Variants in COL4A1 observed in about 807,000 individuals in gnomAD.
COL4A1 encodes collagen type IV alpha 1 chain, also known as collagen alpha-1(IV) chain.
Under a neutral mutation model 216.6 loss-of-function variants are expected in COL4A1, and 40 were observed. The ratio of observed to expected loss-of-function variants is 0.18; its 90% CI spans 0.14 to 0.24. The LOEUF is 0.24. Among genes scored for constraint, COL4A1 ranks in the 10% least tolerant of loss-of-function variants. The pLI is 1.00. For missense variants in COL4A1, 1,628 were observed against 2,196.8 expected, an observed-to-expected ratio of 0.74 and a Z score of 5.18; for synonymous variants, 839 against 810.7, an observed-to-expected ratio of 1.03 and a Z score of -0.59.
chr13:110,227,427 A>ACAC (rs1555308840), intron 2 of COL4A1, among the ~76,000 whole-genome samples: 3,874 of 130,116 alleles, frequency 0.03, 64 homozygotes, highest in Middle Eastern at 0.041. Context: ...CACACACACA[A>ACAC]ACACACACAA....
Position 110,149,014 on chromosome 13 carries a change from T to C in COL4A1, c.*1349A>G, listed in dbSNP as rs1039946132. On this transcript the variant is annotated 3_prime_UTR_variant, in exon 52 of 52. Transcript: ENST00000375820. ...TTAGCAGCTTGTGCAGTAAGTTTCT[T>C]TTAATGCGTCTGTGGCAATACTAGC... 2 of 152,914 alleles carry C rather than the reference T, an allele frequency of 1.3e-5. No individual in the cohort carries two copies. Among genetic ancestry groups the C allele is most frequent in the African/African-American group, 4.8e-5 (2 of 41,468 alleles). 9.5% of individuals were successfully genotyped at this position (152,914 alleles called of 1,614,324 possible).
At chr13:110,238,405 T>C (rs1190120415) in intron 2 of COL4A1, among the ~76,000 whole-genome samples, 1 of 152,252 alleles carries the variant, frequency 6.6e-6, no homozygotes, top group African/African-American at 2.4e-5. Flanking sequence ...CTCTGATTAA[T>C]GCAGTTCAAT....
chr13:110,172,653 C>T, intron 41 of COL4A1, 67 bp downstream of exon 41: 3 of 1,460,676 alleles, frequency 2.1e-6, no homozygotes, highest in Non-Finnish European at 2.9e-6. Flanking sequence ...GAAGACACTG[C>T]CCCTTGTTCT....
intron 49 of COL4A1, among the ~76,000 whole-genome samples, chr13:110,157,292 A>G (rs1264956053): frequency 2.0e-5 from 3 of 152,248 alleles, no homozygotes; most frequent in Non-Finnish European, 4.4e-5. Flanking sequence ...TTGTCTGCAG[A>G]AAGCTAGAAA....
chr13:110,201,024 G>T, intron 19 of COL4A1, 135 bp from the exon 20 acceptor site: 3 of 938,342 alleles, frequency 3.2e-6, no homozygotes, highest in East Asian at 2.5e-5. Flanking sequence ...AAAACAGAGC[G>T]GGAGACCACC....
intron 1 of COL4A1, among the ~76,000 whole-genome samples, chr13:110,270,797 GAAGCA>G (rs1241994789): frequency 6.6e-6 from 1 of 152,200 alleles, no homozygotes; most frequent in African/African-American, 2.4e-5. Flanking sequence ...GTTAGGTCTA[GAAGCA>G]AAGACACCAC....
At chr13:110,174,408 C>T in intron 39 of COL4A1, 38 bp downstream of exon 39, 4 of 1,610,280 alleles carry the variant, frequency 2.5e-6, no homozygotes, top group Non-Finnish European at 3.4e-6. Flanking sequence ...CCACTGTTCT[C>T]TATGTGCCCG....
chr13:110,268,771 C>A lies in COL4A1; in HGVS notation c.85-26037G>T, dbSNP rs1012616626. On this transcript the variant is annotated intron_variant, in intron 1 of 51. Transcript: ENST00000375820. The surrounding 1 kb of genome is among the most constrained non-coding windows in gnomAD (Gnocchi z 4.1). The stretch of plus-strand genomic sequence containing the variant: ...AAATCAGCTGACTTCCAGGACCACA[C>A]GCCTGGCACGTGGGAGGCTCAACAA... 6.6e-6 allele frequency among the ~76,000 whole-genome samples: 1 copy of A among 152,198 alleles called. No individual in the cohort carries two copies. The highest frequency in any genetic ancestry group is 2.4e-5 in the African/African-American group (1 of 41,436).
intron 25 of COL4A1, 140 bp from the exon 26 acceptor site, chr13:110,186,693 A>G: frequency 1.9e-6 from 2 of 1,046,420 alleles, no homozygotes; most frequent in Non-Finnish European, 2.8e-6. Context: ...CTACCCTCCC[A>G]GGAGGGCCAC....
At chr13:110,152,972 AT>A (rs986694350) in intron 50 of COL4A1, among the ~76,000 whole-genome samples, 42 of 152,252 alleles carry the variant, frequency 2.8e-4, no homozygotes, top group African/African-American at 8.7e-4. Flanking sequence ...TAATCATTCA[AT>A]TTTTTTTCTT....
In COL4A1 at chr13:110,198,597, G is replaced by A. The variant is rs1252939465; in HGVS notation, c.1155C>T (p.Gly385=). The A allele has an allele frequency of 6.2e-7, 1 of 1,613,924 alleles. No homozygotes were observed. The change falls in exon 21 of 52, where the codon GGC becomes GGT. Residue 385 remains glycine, a synonymous_variant. Transcript: ENST00000375820. ...LPVPGQAGAP[G]FPGERGEKGD... ...CTTTTTCTCCTCTTTCACCAGGGAA[G>A]CCAGGGGCACCAGCCTGCCCAGGTA... is the stretch of plus-strand genomic sequence containing the variant.
chr13:110,260,255 G>A (rs1217825766), intron 1 of COL4A1, among the ~76,000 whole-genome samples: 1 of 152,216 alleles, frequency 6.6e-6, no homozygotes, highest in Admixed American at 6.5e-5. Flanking sequence ...AGGCTAGAGA[G>A]CTTGAGCAGG....
intron 1 of COL4A1, among the ~76,000 whole-genome samples, chr13:110,260,520 TA>T (rs1457310201): frequency 6.6e-6 from 1 of 152,214 alleles, no homozygotes; most frequent in Non-Finnish European, 1.5e-5. Context: ...CACAGCCAAC[TA>T]AAACCAAGTG....
intron 1 of COL4A1, among the ~76,000 whole-genome samples, chr13:110,251,710 G>A (rs1284507038): frequency 3.9e-5 from 6 of 152,134 alleles, no homozygotes; most frequent in Non-Finnish European, 8.8e-5. Flanking sequence ...AGGGAAAGAC[G>A]GCGAGAACAG....
chr13:110,212,521 G>A (rs1040601169), intron 5 of COL4A1, 42 bp from the exon 6 acceptor site: 61 of 1,614,016 alleles, frequency 3.8e-5, no homozygotes, highest in Non-Finnish European at 4.8e-5. Context: ...GCAGAAAATC[G>A]CCTGATGGAA....
rs535938031 is a variant in COL4A1, at chr13:110,179,005, G to A, written c.2376C>T (p.Ser792=). 14 of 1,611,610 alleles carry A rather than the reference G, an allele frequency of 8.7e-6. No individual in the cohort carries two copies. The highest frequency in any genetic ancestry group is 4.4e-5 in the South Asian group (4 of 90,478). Residue 792 remains serine (S), a synonymous_variant, in exon 31 of 52, where the codon TCC becomes TCT. Coordinates refer to ENST00000375820, the MANE Select transcript of COL4A1 (RefSeq NM_001845.6). Reference sequence around the variant, plus strand: ...TTCCTGGAACTCCTGGAGACCCCACGGAGCCTGGCAATCCAGGAGGTCCCG... The same window carrying A: ...TTCCTGGAACTCCTGGAGACCCCACAGAGCCTGGCAATCCAGGAGGTCCCG... ...GEPGPPGLPG[S]VGSPGVPGIG... is the part of the protein sequence containing the mutation.
intron 31 of COL4A1, 56 bp from the exon 32 acceptor site, chr13:110,178,287 A>C (rs757057101): frequency 1.8e-4 from 281 of 1,605,158 alleles, no homozygotes; most frequent in Non-Finnish European, 2.2e-4. Flanking sequence ...ATGATCTACA[A>C]TGTACAGTGC....
chr13:110,165,069 G>C, intron 45 of COL4A1, 79 bp from the exon 46 acceptor site: 2 of 1,556,698 alleles, frequency 1.3e-6, no homozygotes, highest in South Asian at 1.2e-5. Flanking sequence ...GAGAATCCCG[G>C]GTGAAGCTAT....
intron 18 of COL4A1, 51 bp downstream of exon 18, chr13:110,203,512 CTCT>C: frequency 6.4e-7 from 1 of 1,571,544 alleles, no homozygotes; most frequent in South Asian, 1.1e-5. Context: ...ACCCAGGGTC[CTCT>C]CCTTCCTCCC....
Sources: allele counts gnomAD v4.1 joint callset (sites outside exome capture counted in the v4.1 genomes callset), GRCh38; gene constraint gnomAD v4.1.1; non-coding constraint Gnocchi (gnomAD v3.1); transcripts MANE v1.5; gene names NCBI Gene and HGNC (gene_info 2026-07-23, HGNC 2026-07-21).